GALNT2: variants seen among roughly 807,000 people sequenced by gnomAD.
The protein encoded by GALNT2 is UDP-GalNAc:polypeptide N-acetylgalactosaminyltransferase 2.
A neutral mutation model predicts 81.4 loss-of-function variants in GALNT2; 31 were observed. The observed-to-expected ratio is 0.38, with a 90% CI of 0.29 to 0.51. The LOEUF (loss-of-function observed/expected upper bound fraction) is 0.51, where lower values mean the gene tolerates loss of function less well. Among genes scored for constraint, GALNT2 ranks in the 20% least tolerant of loss-of-function variants. The probability of loss-of-function intolerance (pLI) is 0.87; values close to 1 mark genes in which losing one functional copy is unlikely to be tolerated. For synonymous variants in GALNT2, 303 were observed against 287.4 expected (o/e 1.05, Z -0.55); for missense variants, 629 against 765.7 (o/e 0.82, Z 2.11).
chr1:230,261,299 A>C (rs1029635161), intron 11 of GALNT2, among the ~76,000 whole-genome samples: 1 of 152,118 alleles, frequency 6.6e-6, no homozygotes, highest in Non-Finnish European at 1.5e-5. Context: ...TATATATATC[A>C]CCTTATATGA....
chr1:230,189,416 G>T (rs1663445196), intron 2 of GALNT2, among the ~76,000 whole-genome samples: 1 of 152,202 alleles, frequency 6.6e-6, no homozygotes, highest in Non-Finnish European at 1.5e-5. Flanking sequence ...TGAATGAAAT[G>T]GGAATGATGA....
At chr1:230,095,769 C>T (rs906170323) in intron 1 of GALNT2, among the ~76,000 whole-genome samples, 4 of 152,208 alleles carry the variant, frequency 2.6e-5, no homozygotes, top group Non-Finnish European at 5.9e-5. Context: ...CCTGGTAGCC[C>T]CACCTGGGTC....
chr1:230,273,662 C>T (rs1223289113), intron 14 of GALNT2, among the ~76,000 whole-genome samples: 3 of 152,142 alleles, frequency 2.0e-5, no homozygotes, highest in African/African-American at 4.8e-5. Flanking sequence ...CAGCCTTTAA[C>T]TTGTGTGTGT....
chr1:230,267,001 C>G (rs77126463), intron 14 of GALNT2, among the ~76,000 whole-genome samples: 15,791 of 149,490 alleles, frequency 0.11, 890 homozygotes, highest in Middle Eastern at 0.15. Flanking sequence ...CACACACACA[C>G]ACACACACAC....
At chr1:230,234,839 G>A (rs989043787) in intron 3 of GALNT2, among the ~76,000 whole-genome samples, 11 of 152,272 alleles carry the variant, frequency 7.2e-5, no homozygotes, top group African/African-American at 2.6e-4. Context: ...GGGTTCTGCT[G>A]AGCCCGGTAA....
intron 1 of GALNT2, among the ~76,000 whole-genome samples, chr1:230,150,200 T>G (rs1662050064): frequency 6.6e-6 from 1 of 152,222 alleles, no homozygotes; most frequent in Non-Finnish European, 1.5e-5. Flanking sequence ...AGCCATCGCC[T>G]GCTTGGTGAC....
intron 3 of GALNT2, among the ~76,000 whole-genome samples, chr1:230,206,044 T>G (rs917572910): frequency 2.0e-5 from 3 of 152,186 alleles, no homozygotes; most frequent in Admixed American, 1.3e-4. Flanking sequence ...TCTTCCCTGA[T>G]GACTTCAGTC....
chr1:230,256,079 G>A (rs943477321), intron 11 of GALNT2, among the ~76,000 whole-genome samples: 7 of 152,090 alleles, frequency 4.6e-5, no homozygotes, highest in African/African-American at 1.7e-4. Flanking sequence ...TTTTATAATA[G>A]CATCAATCCC....
rs559853239 is a variant in GALNT2 at position 230,178,952 on chromosome 1, AC to A, written c.220+643del. 8.5e-5 allele frequency among the ~76,000 whole-genome samples: 13 copies of A among 152,204 alleles called. 2 individuals carry two copies. Among genetic ancestry groups the A allele is most frequent in the Admixed American group, 8.5e-4 (13 of 15,272 alleles). ...CCTTTGCTCCCCCCAGCCCCTGGCA[AC>A]CAGCGATCCTTTTGTTGCCTCTGAA... is the stretch of plus-strand genomic sequence containing the variant. On this transcript the variant is annotated intron_variant, in intron 2 of 15. Transcript: ENST00000366672.
rs76979143 is a variant in GALNT2 at position 230,074,640 on chromosome 1, A to G, written c.126+7234A>G. 3.6e-3 allele frequency among the ~76,000 whole-genome samples: 554 copies of G among 152,304 alleles called. 2 individuals are homozygous for G. Among genetic ancestry groups the G allele is most frequent in the African/African-American group, 0.013 (525 of 41,560 alleles). On this transcript the variant is annotated intron_variant, in intron 1 of 15. Coordinates refer to ENST00000366672, the MANE Select transcript of GALNT2 (RefSeq NM_004481.5). ...GCCATTATGGTTAGACCTTCTTGTA[A>G]TGAGACTGCCTTTCTGTGTGGTCTG...
chr1:230,185,283 TGTGTGTGTGTGTGTGTGTGCGC>T (rs1246106184), intron 2 of GALNT2, among the ~76,000 whole-genome samples: 12,025 of 133,606 alleles, frequency 0.09, 527 homozygotes, highest in South Asian at 0.19. Context: ...CGTGTGTGTG[TGTGTGTGTGTGTGTGTGTGCGC>T]GCGTGTGTGT....
chr1:230,245,080 T>C (rs950694093), intron 7 of GALNT2, among the ~76,000 whole-genome samples: 5 of 152,148 alleles, frequency 3.3e-5, no homozygotes, highest in African/African-American at 1.2e-4. Flanking sequence ...TTAGAGATGT[T>C]AAAAGGCCTT....
chr1:230,127,008 A>G (rs1661203723), intron 1 of GALNT2, among the ~76,000 whole-genome samples: 1 of 152,164 alleles, frequency 6.6e-6, no homozygotes, highest in South Asian at 2.1e-4. Context: ...TAGTGGGTGA[A>G]TGGAGGTGGG....
At chr1:230,140,071 G>T (rs147776103) in intron 1 of GALNT2, among the ~76,000 whole-genome samples, 19 of 152,388 alleles carry the variant, frequency 1.2e-4, no homozygotes, top group African/African-American at 4.6e-4. Context: ...TGCGTCAGCT[G>T]TACTGGAACT....
chr1:230,150,103 A>G (rs2102834319), intron 1 of GALNT2, among the ~76,000 whole-genome samples: 1 of 152,370 alleles, frequency 6.6e-6, no homozygotes, highest in African/African-American at 2.4e-5. Context: ...GCTGAGGCAG[A>G]GACCTAGGAG....
chr1:230,122,780 G>C (rs1372554674), intron 1 of GALNT2, among the ~76,000 whole-genome samples: 2 of 152,270 alleles, frequency 1.3e-5, no homozygotes, highest in East Asian at 1.9e-4. Flanking sequence ...CTGTGAATCT[G>C]TGGTGTATAT....
rs1256998619 is a variant in GALNT2 at position 230,070,968 on chromosome 1, T to C, written c.126+3562T>C. On this transcript the variant is annotated intron_variant, in intron 1 of 15. Transcript: ENST00000366672. The surrounding 1 kb of genome is among the most constrained non-coding windows in gnomAD (Gnocchi z 4.7). ...GTGCTTAGTGACCTTCACTGATGCATTGAACCTCTCTGACCCTCAGTTTCC... is the reference window on the plus strand; with the variant it reads ...GTGCTTAGTGACCTTCACTGATGCACTGAACCTCTCTGACCCTCAGTTTCC... Among the ~76,000 whole-genome samples the C allele has an allele frequency of 2.6e-5, 4 of 152,204 alleles. No homozygotes were observed. Among genetic ancestry groups the C allele is most frequent in the Admixed American group, 6.5e-5 (1 of 15,286 alleles).
At chr1:230,253,990 T>C (rs1387869910) in intron 10 of GALNT2, among the ~76,000 whole-genome samples, 1 of 152,238 alleles carries the variant, frequency 6.6e-6, no homozygotes, top group Non-Finnish European at 1.5e-5. Context: ...AATGAAGTCC[T>C]GTCATTCACA....
chr1:230,136,692 G>A (rs1558102625), intron 1 of GALNT2, among the ~76,000 whole-genome samples: 2 of 152,300 alleles, frequency 1.3e-5, no homozygotes, highest in East Asian at 1.9e-4. Flanking sequence ...GCAACGTTCC[G>A]CTTTGATGCT....
Sources: allele counts gnomAD v4.1 joint callset (sites outside exome capture counted in the v4.1 genomes callset), GRCh38; gene constraint gnomAD v4.1.1; non-coding constraint Gnocchi (gnomAD v3.1); transcripts MANE v1.5; gene names NCBI Gene and HGNC (gene_info 2026-07-23, HGNC 2026-07-21).